Variants in CRACD observed in about 807,000 individuals in gnomAD.
CRACD encodes capping protein inhibiting regulator of actin dynamics.
In CRACD, 56 loss-of-function variants were observed where a neutral mutation model predicts 106.8. The ratio of observed to expected loss-of-function variants is 0.52; its 90% CI spans 0.42 to 0.66. CRACD has a LOEUF of 0.66. CRACD is among the 30% of genes least tolerant of loss of function. CRACD has a pLI of 0.00. For missense variants in CRACD, 1,730 were observed against 1,623.2 expected, an observed-to-expected ratio of 1.07 and a Z score of -1.13; for synonymous variants, 754 against 670.8, an observed-to-expected ratio of 1.12 and a Z score of -1.92.
intron 1 of CRACD, among the ~76,000 whole-genome samples, chr4:56,077,193 A>G (rs1391232564): frequency 1.3e-5 from 2 of 152,228 alleles, no homozygotes; most frequent in African/African-American, 2.4e-5. Flanking sequence ...GCCTCAGGAA[A>G]CTTACAATCA....
intron 2 of CRACD, among the ~76,000 whole-genome samples, chr4:56,199,541 G>A (rs1180860990): frequency 6.6e-6 from 1 of 151,912 alleles, no homozygotes; most frequent in Non-Finnish European, 1.5e-5. Context: ...AATTAGCGGG[G>A]TGTTGAGGCG....
chr4:56,154,393 G>A (rs1735698083), intron 1 of CRACD, among the ~76,000 whole-genome samples: 1 of 152,150 alleles, frequency 6.6e-6, no homozygotes, highest in Non-Finnish European at 1.5e-5. Context: ...TTAAGCCCAG[G>A]AGGCAGAGGC....
rs185917265 is a variant in CRACD, at chr4:56,305,626, G to A, written c.121-1909G>A. ...CCCACAACCCTTCCAGGCTGCTGAC[G>A]CTGTACTTCCCTTGCTGAACTTGGC... On this transcript the variant is annotated intron_variant, in intron 4 of 10. Transcript: ENST00000682029. 1.6e-3 allele frequency among the ~76,000 whole-genome samples: 240 copies of A among 152,284 alleles called. 3 individuals carry two copies. The highest frequency in any genetic ancestry group is 5.5e-3 in the African/African-American group (230 of 41,568).
chr4:56,315,650 T>G lies in CRACD; in HGVS notation c.2148T>G (p.Asn716Lys), dbSNP rs752333158. 4 of 1,614,022 alleles carry G rather than the reference T, an allele frequency of 2.5e-6. No individual in the cohort carries two copies. In the South Asian group the frequency reaches 4.4e-5, roughly 18 times the overall value. The stretch of plus-strand genomic sequence containing the variant: ...ACCAACGGAAGACTCCGCCAGTCAA[T>G]GCAAAGTTCTCTATTATGCCTGCCT... Reference protein sequence around the residue: ...RGNQRKTPPVNAKFSIMPAWQ... With the variant: ...RGNQRKTPPVKAKFSIMPAWQ... Residue 716 changes from asparagine to lysine, a missense_variant, in exon 8 of 11, where the codon AAT (asparagine) becomes AAG (lysine). By Grantham distance (94) the Asn-to-Lys change is moderately conservative (BLOSUM62 0). Coordinates refer to ENST00000682029, the MANE Select transcript of CRACD (RefSeq NM_001393381.1). This position sits in a 1 kb window ranked among gnomAD's most constrained non-coding sequence, Gnocchi z 4.1.
intron 1 of CRACD, among the ~76,000 whole-genome samples, chr4:56,102,424 G>A (rs751896937): frequency 1.4e-4 from 22 of 152,288 alleles, no homozygotes; most frequent in Non-Finnish European, 2.5e-4. Flanking sequence ...GGAAATGGGG[G>A]TAGAGAAACG....
At chr4:56,264,928 G>T (rs1013418562) in intron 2 of CRACD, among the ~76,000 whole-genome samples, 1 of 152,090 alleles carries the variant, frequency 6.6e-6, no homozygotes, top group African/African-American at 2.4e-5. Context: ...TTTCCTCCAC[G>T]CTTCCCCCAG....
chr4:56,085,496 C>A (rs1733184441), intron 1 of CRACD, among the ~76,000 whole-genome samples: 1 of 152,216 alleles, frequency 6.6e-6, no homozygotes, highest in Non-Finnish European at 1.5e-5. Context: ...TCAAAAACAT[C>A]TCTGCCTTAC....
intron 1 of CRACD, among the ~76,000 whole-genome samples, chr4:56,141,338 G>A (rs1735190026): frequency 6.6e-6 from 1 of 152,196 alleles, no homozygotes; most frequent in Non-Finnish European, 1.5e-5. Context: ...AAACCCCGTT[G>A]AAAGGATGTT....
intron 2 of CRACD, among the ~76,000 whole-genome samples, chr4:56,193,897 T>A (rs1292489551): frequency 6.6e-6 from 1 of 152,198 alleles, no homozygotes; most frequent in African/African-American, 2.4e-5. Context: ...CTATGACTTC[T>A]TTTTCTATCC....
chr4:56,291,368 A>G (rs1743693863), intron 3 of CRACD, among the ~76,000 whole-genome samples: 1 of 152,144 alleles, frequency 6.6e-6, no homozygotes, highest in Admixed American at 6.5e-5. Flanking sequence ...TCCACCTCCC[A>G]ATCATGTAAT....
chr4:56,102,849 C>G (rs1374321515), intron 1 of CRACD, among the ~76,000 whole-genome samples: 1 of 152,218 alleles, frequency 6.6e-6, no homozygotes, highest in Non-Finnish European at 1.5e-5. Flanking sequence ...CTGACGTTCT[C>G]TCTGTCTGAG....
chr4:56,186,585 T>C (rs1301788435), intron 2 of CRACD, among the ~76,000 whole-genome samples: 1 of 152,142 alleles, frequency 6.6e-6, no homozygotes, highest in East Asian at 1.9e-4. Context: ...TTAACATGCA[T>C]GGAACTTTTT....
chr4:56,307,599 C>T lies in CRACD; in HGVS notation c.185C>T (p.Ala62Val). Residue 62 changes from alanine to valine, a missense_variant, in exon 5 of 11, where the codon GCA becomes GTA. Transcript: ENST00000682029. ...RSPNAIPMNK[A>V]NSGEASLEED... Reference sequence around the variant, plus strand: ...CCCAATGCCATTCCCATGAATAAGGCAAACAGTGGAGAGGCTAGCTTAGAA... The same window carrying T: ...CCCAATGCCATTCCCATGAATAAGGTAAACAGTGGAGAGGCTAGCTTAGAA... 1 of 1,614,202 alleles carries T rather than the reference C, an allele frequency of 6.2e-7. No homozygotes were observed. Among genetic ancestry groups the T allele is most frequent in the South Asian group, 1.1e-5 (1 of 91,080 alleles).
intron 3 of CRACD, among the ~76,000 whole-genome samples, chr4:56,277,454 T>TAAA (rs144673146): frequency 7.0e-6 from 1 of 143,776 alleles, no homozygotes; most frequent in African/African-American, 2.5e-5. Context: ...TCATGATTTA[T>TAAA]AAAAAAAAAA....
intron 8 of CRACD, among the ~76,000 whole-genome samples, chr4:56,316,967 T>A (rs1158578810): frequency 2.0e-5 from 3 of 152,164 alleles, no homozygotes; most frequent in Non-Finnish European, 4.4e-5. Flanking sequence ...ACGTAGGTCG[T>A]GATAAATGAT....
intron 2 of CRACD, among the ~76,000 whole-genome samples, chr4:56,214,522 G>A (rs1271057136): frequency 1.3e-5 from 2 of 151,846 alleles, no homozygotes; most frequent in East Asian, 3.9e-4. Flanking sequence ...AACCCGGGAG[G>A]CGGAGGTTGC....
At position 56,308,681 on chromosome 4, in the gene CRACD, T is replaced by C. The variant is rs146668365; in HGVS notation, c.285+982T>C. On this transcript the variant is annotated intron_variant, in intron 5 of 10. Coordinates refer to ENST00000682029, the MANE Select transcript of CRACD (RefSeq NM_001393381.1). ...TGTGAAAAAGGACATTCCTCCCCTG[T>C]TGCCCATTGTGACACCTGGCACCCA... 3.6e-4 allele frequency: 306 copies of C among 843,792 alleles called. 1 individual carries two copies. In the African/African-American group the frequency reaches 5.4e-3, roughly 15 times the overall value. 52.3% of individuals were successfully genotyped at this position (843,792 alleles called of 1,614,324 possible).
intron 2 of CRACD, among the ~76,000 whole-genome samples, chr4:56,183,289 A>ATAAAC (rs375682859): frequency 6.7e-6 from 1 of 150,070 alleles, no homozygotes; most frequent in African/African-American, 2.5e-5. Context: ...ATAAAATAAA[A>ATAAAC]AGAATTAGGG....
At chr4:56,077,715 C>T (rs767462742) in intron 1 of CRACD, among the ~76,000 whole-genome samples, 3 of 152,132 alleles carry the variant, frequency 2.0e-5, no homozygotes, top group Admixed American at 1.3e-4. Context: ...CTTAGCAGCT[C>T]ATATGTCAGG....
Sources: allele counts gnomAD v4.1 joint callset (sites outside exome capture counted in the v4.1 genomes callset), GRCh38; gene constraint gnomAD v4.1.1; non-coding constraint Gnocchi (gnomAD v3.1); transcripts MANE v1.5; gene names NCBI Gene and HGNC (gene_info 2026-07-23, HGNC 2026-07-21).